STK39: variants seen among roughly 807,000 people sequenced by gnomAD.
STK39 encodes the protein serine/threonine kinase 39, also known as STE20/SPS1-related proline-alanine-rich protein kinase.
STK39 carries 20 observed loss-of-function variants against 77.8 expected under a neutral mutation model. That is an observed-to-expected ratio of 0.26 (90% CI 0.18 to 0.37). The LOEUF is 0.37. Among genes scored for constraint, STK39 ranks in the 10% least tolerant of loss-of-function variants. The probability of loss-of-function intolerance (pLI) is 1.00; values close to 1 mark genes in which losing one functional copy is unlikely to be tolerated. For missense variants in STK39, 479 were observed against 656.5 expected, an observed-to-expected ratio of 0.73 and a Z score of 2.95; for synonymous variants, 246 against 234.1, an observed-to-expected ratio of 1.05 and a Z score of -0.47.
chr2:168,070,331 A>G (rs1685906490), intron 12 of STK39, among the ~76,000 whole-genome samples: 1 of 152,212 alleles, frequency 6.6e-6, no homozygotes, highest in Non-Finnish European at 1.5e-5. Context: ...TTTAGTCTTC[A>G]CTGGCTTCCA....
At chr2:167,968,167 C>T (rs1301799693) in intron 16 of STK39, among the ~76,000 whole-genome samples, 1 of 152,190 alleles carries the variant, frequency 6.6e-6, no homozygotes, top group African/African-American at 2.4e-5. Context: ...ATATGTACCA[C>T]ATTTTCTTTA....
In STK39 at chr2:168,236,962, G is replaced by GT. The variant is rs940342736; in HGVS notation, c.208+10265dup. ...TTGGTTCCATATGAACTTTAAAGTA[G>GT]TTTTTTCCAATTCTGTGAAGAAAGT... On this transcript the variant is annotated intron_variant, in intron 1 of 17. Coordinates refer to ENST00000355999, the MANE Select transcript of STK39 (RefSeq NM_013233.3). Among the ~76,000 whole-genome samples the GT allele has an allele frequency of 1.6e-4, 25 of 152,218 alleles. No homozygotes were observed. The South Asian group carries it at 3.3e-3, about 20-fold the overall frequency.
intron 1 of STK39, among the ~76,000 whole-genome samples, chr2:168,206,515 T>C (rs1412908033): frequency 1.3e-5 from 2 of 152,154 alleles, no homozygotes; most frequent in Admixed American, 1.3e-4. Context: ...TTGGCCAGGC[T>C]GGTTCCAACT....
rs150043693 is a variant in STK39, at chr2:168,066,126, A to G, written c.1243-745T>C. Among the ~76,000 whole-genome samples, 902 of 152,362 alleles carry G rather than the reference A, an allele frequency of 5.9e-3. 7 individuals are homozygous for G. Among genetic ancestry groups the G allele is most frequent in the African/African-American group, 0.02 (838 of 41,586 alleles). On this transcript the variant is annotated intron_variant, in intron 12 of 17. Transcript: ENST00000355999. Reference sequence around the variant, plus strand: ...ACTTACTATCAATTCTAAATCAGAAATCATCAAAAATTATTTGTGAGAAGA... The same window carrying G: ...ACTTACTATCAATTCTAAATCAGAAGTCATCAAAAATTATTTGTGAGAAGA...
At chr2:168,033,791 G>A (rs780176375) in intron 14 of STK39, among the ~76,000 whole-genome samples, 32 of 152,168 alleles carry the variant, frequency 2.1e-4, no homozygotes, top group Admixed American at 5.2e-4. Context: ...GTTTAAATAC[G>A]GATTGTAACA....
At chr2:168,230,508 C>A (rs899381311) in intron 1 of STK39, among the ~76,000 whole-genome samples, 3 of 152,200 alleles carry the variant, frequency 2.0e-5, no homozygotes, top group Non-Finnish European at 4.4e-5. Flanking sequence ...GACCATGGGT[C>A]TGACCCCAAA....
At chr2:168,154,146 G>A (rs1191796150) in intron 5 of STK39, among the ~76,000 whole-genome samples, 1 of 152,220 alleles carries the variant, frequency 6.6e-6, no homozygotes, top group African/African-American at 2.4e-5. Flanking sequence ...TAGGGTCCAA[G>A]AGAACGACAA....
chr2:168,149,337 G>C (rs1349859985), intron 5 of STK39, among the ~76,000 whole-genome samples: 1 of 152,204 alleles, frequency 6.6e-6, no homozygotes, highest in African/African-American at 2.4e-5. Context: ...AGCCCATGAA[G>C]ATGTGATGTA....
intron 1 of STK39, among the ~76,000 whole-genome samples, chr2:168,232,625 C>T (rs546081829): frequency 1.9e-4 from 29 of 152,140 alleles, no homozygotes; most frequent in African/African-American, 6.5e-4. Context: ...AGGAACAGGA[C>T]ATGAAGGCCA....
chr2:167,984,470 T>C (rs1177189039), intron 16 of STK39, among the ~76,000 whole-genome samples: 1 of 152,174 alleles, frequency 6.6e-6, no homozygotes, highest in Non-Finnish European at 1.5e-5. Context: ...AGAGCTGCAC[T>C]GAAGCGGTCC....
At chr2:168,205,864 C>T (rs1029152692) in intron 1 of STK39, among the ~76,000 whole-genome samples, 8 of 152,040 alleles carry the variant, frequency 5.3e-5, no homozygotes, top group East Asian at 1.9e-4. Context: ...AATTATAATA[C>T]ATTATAACGA....
At chr2:168,187,225 C>T (rs541112715) in intron 1 of STK39, among the ~76,000 whole-genome samples, 2 of 152,192 alleles carry the variant, frequency 1.3e-5, no homozygotes, top group African/African-American at 4.8e-5. Context: ...GTGGTGCATA[C>T]CTGTAATCCC....
intron 16 of STK39, among the ~76,000 whole-genome samples, chr2:168,003,767 A>G (rs975280161): frequency 6.6e-6 from 1 of 152,226 alleles, no homozygotes; most frequent in African/African-American, 2.4e-5. Flanking sequence ...AAACCCAGAA[A>G]GGGCTTAAGG....
chr2:167,957,203 A>G (rs1691810098), intron 17 of STK39, among the ~76,000 whole-genome samples: 1 of 152,224 alleles, frequency 6.6e-6, no homozygotes, highest in African/African-American at 2.4e-5. Flanking sequence ...TATGTAAAAA[A>G]GTCACTAGCC....
chr2:167,993,452 C>T (rs979420952), intron 16 of STK39, among the ~76,000 whole-genome samples: 2 of 152,056 alleles, frequency 1.3e-5, no homozygotes, highest in East Asian at 1.9e-4. Flanking sequence ...TTTGGGAGGT[C>T]GAAGCGGGAG....
At chr2:168,198,477 G>C (rs73971389) in intron 1 of STK39, among the ~76,000 whole-genome samples, 5,085 of 152,202 alleles carry the variant, frequency 0.033, 260 homozygotes, top group East Asian at 0.24. Context: ...AAAAGTTGCT[G>C]TATTTGGCAA....
At chr2:168,030,312 T>A (rs1409672741) in intron 14 of STK39, among the ~76,000 whole-genome samples, 3 of 152,112 alleles carry the variant, frequency 2.0e-5, no homozygotes, top group African/African-American at 7.2e-5. Flanking sequence ...GCTTAAAAGT[T>A]TTAAAGATGT....
chr2:168,234,994 A>C (rs1690560640), intron 1 of STK39, among the ~76,000 whole-genome samples: 2 of 152,008 alleles, frequency 1.3e-5, no homozygotes, highest in African/African-American at 4.8e-5. Context: ...CTCTAACAAA[A>C]AAAAAAAAAA....
At chr2:168,005,134 T>A (rs573990237) in intron 16 of STK39, among the ~76,000 whole-genome samples, 166 of 151,372 alleles carry the variant, frequency 1.1e-3, no homozygotes, top group African/African-American at 3.9e-3. Flanking sequence ...GCCTCCTGAG[T>A]AGCTGGGATT....
Sources: allele counts gnomAD v4.1 joint callset (sites outside exome capture counted in the v4.1 genomes callset), GRCh38; gene constraint gnomAD v4.1.1; transcripts MANE v1.5; gene names NCBI Gene and HGNC (gene_info 2026-07-23, HGNC 2026-07-21).